Variants in ATP8A2 observed in about 807,000 individuals in gnomAD.
ATP8A2 encodes the protein phospholipid-transporting ATPase IB.
Under a neutral mutation model 165.6 loss-of-function variants are expected in ATP8A2, and 100 were observed. That is an observed-to-expected ratio of 0.60 (90% CI 0.51 to 0.71). The LOEUF is 0.71. Ranked by LOEUF, ATP8A2 falls within the 30% of genes least tolerant of loss-of-function variation. ATP8A2 has a pLI of 0.00. For synonymous variants in ATP8A2, 543 were observed against 548.8 expected (o/e 0.99, Z 0.15); for missense variants, 1,227 against 1,479.5 (o/e 0.83, Z 2.80).
chr13:25,935,990 A>G (rs978787924), intron 33 of ATP8A2, among the ~76,000 whole-genome samples: 2 of 152,222 alleles, frequency 1.3e-5, no homozygotes, highest in African/African-American at 4.8e-5. Flanking sequence ...ACAAGATTCA[A>G]ACTAACTTTA....
intron 33 of ATP8A2, among the ~76,000 whole-genome samples, chr13:25,872,510 T>A (rs1952706420): frequency 6.6e-6 from 1 of 152,204 alleles, no homozygotes; most frequent in South Asian, 2.1e-4. Context: ...ATCTACCAAG[T>A]TGGAGTAGGA....
At chr13:25,552,448 AC>A in intron 11 of ATP8A2, among the ~76,000 whole-genome samples, 1 of 152,320 alleles carries the variant, frequency 6.6e-6, no homozygotes, top group South Asian at 2.1e-4. Context: ...TATAAGTTCA[AC>A]AATGCAATTT....
intron 1 of ATP8A2, among the ~76,000 whole-genome samples, chr13:25,394,762 T>A (rs548304844): frequency 6.6e-6 from 1 of 152,288 alleles, no homozygotes; most frequent in East Asian, 1.9e-4. Context: ...AGAACATAAA[T>A]TTCCATTTGT....
chr13:25,613,102 G>A (rs1384659407), intron 24 of ATP8A2, among the ~76,000 whole-genome samples: 2 of 152,144 alleles, frequency 1.3e-5, no homozygotes, highest in East Asian at 3.8e-4. Flanking sequence ...TTTAGGTGGA[G>A]CATATATGCC....
At chr13:25,970,242 C>G (rs1167427463) in intron 35 of ATP8A2, among the ~76,000 whole-genome samples, 1 of 152,174 alleles carries the variant, frequency 6.6e-6, no homozygotes, top group Non-Finnish European at 1.5e-5. Flanking sequence ...TCTCAAACTC[C>G]TCTCAAACAT....
chr13:25,979,301 T>A (rs985233682), intron 35 of ATP8A2, among the ~76,000 whole-genome samples: 13 of 152,134 alleles, frequency 8.5e-5, no homozygotes, highest in African/African-American at 2.7e-4. Context: ...ATTTCTCTAT[T>A]AACAGGAACA....
chr13:25,817,030 C>CCCTTCCATAAT (rs1951041439), intron 27 of ATP8A2, among the ~76,000 whole-genome samples: 2 of 152,074 alleles, frequency 1.3e-5, no homozygotes, highest in African/African-American at 4.8e-5. Flanking sequence ...TTTCTGCTAC[C>CCCTTCCATAAT]CCTTCCATAA....
intron 30 of ATP8A2, among the ~76,000 whole-genome samples, chr13:25,842,241 A>G (rs1440590033): frequency 1.3e-5 from 2 of 152,194 alleles, no homozygotes; most frequent in African/African-American, 2.4e-5. Flanking sequence ...TAGCCATGAA[A>G]TCCAGCAGAA....
At chr13:25,841,519 T>C (rs1156329920) in intron 30 of ATP8A2, among the ~76,000 whole-genome samples, 2 of 152,226 alleles carry the variant, frequency 1.3e-5, no homozygotes, top group African/African-American at 4.8e-5. Flanking sequence ...AGAGGGACAT[T>C]GGTGTTCTTG....
At chr13:25,647,617 G>A (rs1034016912) in intron 24 of ATP8A2, among the ~76,000 whole-genome samples, 1 of 151,850 alleles carries the variant, frequency 6.6e-6, no homozygotes. Context: ...TCTGTTTCCT[G>A]TACTTGGATA....
chr13:25,626,599 G>A (rs1359138890), intron 24 of ATP8A2, among the ~76,000 whole-genome samples: 7 of 152,092 alleles, frequency 4.6e-5, no homozygotes, highest in Admixed American at 4.6e-4. Flanking sequence ...ACTGTGGGAA[G>A]GTAGACGAAT....
intron 25 of ATP8A2, among the ~76,000 whole-genome samples, chr13:25,712,088 G>C (rs2043169805): frequency 1.3e-5 from 2 of 152,118 alleles, no homozygotes; most frequent in African/African-American, 2.4e-5. Context: ...GCCCATTTCT[G>C]GTTAGTCACC....
chr13:25,751,615 C>A (rs977388349), intron 25 of ATP8A2, among the ~76,000 whole-genome samples: 1 of 151,940 alleles, frequency 6.6e-6, no homozygotes, highest in East Asian at 1.9e-4. Flanking sequence ...TTAAAATTTT[C>A]TGTAGAGACA....
At chr13:25,513,692 C>CG (rs1566205794) in intron 2 of ATP8A2, among the ~76,000 whole-genome samples, 1 of 151,976 alleles carries the variant, frequency 6.6e-6, no homozygotes, top group Non-Finnish European at 1.5e-5. Flanking sequence ...AACCAGACTC[C>CG]GTCTGCAATC....
chr13:25,959,684 C>T (rs1955611940), intron 33 of ATP8A2, among the ~76,000 whole-genome samples: 1 of 152,206 alleles, frequency 6.6e-6, no homozygotes, highest in South Asian at 2.1e-4. Flanking sequence ...TAGAATACGA[C>T]ATCTCTGTCA....
chr13:25,532,195 T>G, intron 4 of ATP8A2, 77 bp from the exon 5 acceptor site: 1 of 1,165,416 alleles, frequency 8.6e-7, no homozygotes, highest in Admixed American at 1.9e-5. Flanking sequence ...TGTAATTTCC[T>G]GATTGTTTTG....
chr13:25,768,897 TG>T (rs2044552983), intron 25 of ATP8A2, 148 bp from the exon 26 acceptor site: 1 of 758,706 alleles, frequency 1.3e-6, no homozygotes, highest in African/African-American at 1.8e-5. Flanking sequence ...TACTGTTTTC[TG>T]AAAGCTTCTT....
intron 25 of ATP8A2, among the ~76,000 whole-genome samples, chr13:25,766,118 G>A (rs1040744473): frequency 1.3e-5 from 2 of 152,182 alleles, no homozygotes; most frequent in Non-Finnish European, 2.9e-5. Context: ...TGCATAAGAG[G>A]AGTTGCAGAT....
At chr13:25,944,096 CAAAT>C (rs925620439) in intron 33 of ATP8A2, among the ~76,000 whole-genome samples, 47 of 152,320 alleles carry the variant, frequency 3.1e-4, no homozygotes, top group Admixed American at 2.5e-3. Context: ...CTGGACTATA[CAAAT>C]TTAAAGGCTT....
Sources: gnomAD v4.1 joint callset for allele counts (sites outside exome capture counted in the v4.1 genomes callset) on GRCh38, gnomAD v4.1.1 for gene constraint, MANE v1.5 for transcripts, NCBI Gene and HGNC (gene_info 2026-07-23, HGNC 2026-07-21) for gene names.